The following ROBO2 variants were observed in gnomAD, a reference collection of about 807,000 sequenced individuals.
The protein encoded by ROBO2 is roundabout guidance receptor 2, also known as roundabout homolog 2.
In ROBO2, 53 loss-of-function variants were observed where a neutral mutation model predicts 160.8. The ratio of observed to expected loss-of-function variants is 0.33; its 90% confidence interval spans 0.26 to 0.41. ROBO2 has a LOEUF of 0.41. Among genes scored for constraint, ROBO2 ranks in the 10% least tolerant of loss-of-function variants. ROBO2 has a pLI of 1.00. For synonymous variants in ROBO2, 664 were observed against 611.7 expected, an observed-to-expected ratio of 1.09 and a Z score of -1.26; for missense variants, 1,577 against 1,722.4, an observed-to-expected ratio of 0.92 and a Z score of 1.49.
At chr3:76,695,222 C>T (rs2092902714) in intron 2 of ROBO2, among the ~76,000 whole-genome samples, 1 of 152,170 alleles carries the variant, frequency 6.6e-6, no homozygotes, top group African/African-American at 2.4e-5. Flanking sequence ...AACCCCTGAA[C>T]CTCTGGAATA....
intron 2 of ROBO2, among the ~76,000 whole-genome samples, chr3:77,424,245 A>T (rs2077975109): frequency 6.6e-6 from 1 of 152,194 alleles, no homozygotes; most frequent in Non-Finnish European, 1.5e-5. Flanking sequence ...ATGAATTTTA[A>T]AGGACGGGTA....
Position 76,231,433 on chromosome 3 carries a change from T to G in ROBO2, c.109+293831T>G, listed in dbSNP as rs1559666728. ...CTTCATCTGTAATGCGAGTTACCCT[T>G]GCCTGATAGGTATACCGTTTTTTGT... On this transcript the variant is annotated intron_variant, in intron 2 of 26. Transcript: ENST00000487694. 3.9e-5 allele frequency among the ~76,000 whole-genome samples: 6 copies of G among 152,192 alleles called. No homozygotes were observed. The South Asian group carries it at 1.2e-3, about 31-fold the overall frequency.
At chr3:76,310,575 C>A (rs557486242) in intron 2 of ROBO2, among the ~76,000 whole-genome samples, 1 of 152,178 alleles carries the variant, frequency 6.6e-6, no homozygotes, top group African/African-American at 2.4e-5. Flanking sequence ...TCATTAGTGC[C>A]GATGCAATCC....
intron 2 of ROBO2, among the ~76,000 whole-genome samples, chr3:77,367,302 C>A (rs1367173823): frequency 6.6e-6 from 1 of 152,018 alleles, no homozygotes; most frequent in Non-Finnish European, 1.5e-5. Flanking sequence ...CCTAAGTATC[C>A]TTTTTCTAAG....
At chr3:77,353,054 T>G (rs559938802) in intron 2 of ROBO2, among the ~76,000 whole-genome samples, 66 of 152,296 alleles carry the variant, frequency 4.3e-4, no homozygotes, top group African/African-American at 1.6e-3. Context: ...TTCTTTTAAA[T>G]TCTATGATGA....
rs141170514 is a variant in ROBO2 at position 76,717,263 on chromosome 3, T to C, written c.110-380751T>C. On this transcript the variant is annotated intron_variant, in intron 2 of 26. Transcript: ENST00000487694. ...AATCCCTGCACTTTGGGAGGCTGAG[T>C]TGGGTGGATCACGAGGTCAGGAGTT... 6.6e-5 allele frequency among the ~76,000 whole-genome samples: 10 copies of C among 151,634 alleles called. No individual in the cohort carries two copies. The East Asian group carries it at 2.0e-3, about 30-fold the overall frequency.
chr3:77,245,810 T>C (rs1285906105), intron 2 of ROBO2, among the ~76,000 whole-genome samples: 1 of 152,234 alleles, frequency 6.6e-6, no homozygotes, highest in Non-Finnish European at 1.5e-5. Context: ...TTTAGGAAGT[T>C]TAAGTGAGAC....
intron 1 of ROBO2, among the ~76,000 whole-genome samples, chr3:75,928,861 CGTGTGT>C (rs60525375): frequency 0.19 from 20,219 of 108,940 alleles, 2,237 homozygotes; most frequent in African/African-American, 0.34. Flanking sequence ...CTGGATAAGA[CGTGTGT>C]GTGTGTGTGT....
rs546396533 is a variant in ROBO2 at position 77,207,618 on chromosome 3, GT to G, written c.388+109280del. On this transcript the variant is annotated intron_variant, in intron 2 of 25. Coordinates refer to ENST00000461745, the Ensembl canonical transcript of ROBO2. Reference sequence around the variant, plus strand: ...TAATTCATTTTTAACATATTTGTATGTTGTGGCTGTACAAAATCCAAAAGTA... The same window carrying G: ...TAATTCATTTTTAACATATTTGTATGTGTGGCTGTACAAAATCCAAAAGTA... Among the ~76,000 whole-genome samples, 391 of 152,274 alleles carry G rather than the reference GT, an allele frequency of 2.6e-3. 2 individuals are homozygous for G. Among genetic ancestry groups the G allele is most frequent in the Non-Finnish European group, 4.5e-3 (304 of 68,018 alleles).
intron 2 of ROBO2, among the ~76,000 whole-genome samples, chr3:76,117,061 T>A (rs2070502437): frequency 1.3e-5 from 2 of 152,188 alleles, no homozygotes; most frequent in Admixed American, 1.3e-4. Flanking sequence ...AGTTTGATAA[T>A]AATTGGCTAT....
chr3:77,464,652 G>C (rs144802374), intron 2 of ROBO2, among the ~76,000 whole-genome samples: 20 of 150,160 alleles, frequency 1.3e-4, no homozygotes, highest in Middle Eastern at 3.5e-3. Context: ...AGGTAAAATA[G>C]AAAGTTATCC....
intron 1 of ROBO2, among the ~76,000 whole-genome samples, chr3:77,097,642 G>A (rs9873501): frequency 0.3 from 45,282 of 151,976 alleles, 7,551 homozygotes; most frequent in East Asian, 0.54. Flanking sequence ...TCTTCTAGCT[G>A]CTTGCTGACG....
chr3:76,767,873 C>T (rs1343254886), intron 2 of ROBO2, among the ~76,000 whole-genome samples: 1 of 151,384 alleles, frequency 6.6e-6, no homozygotes, highest in Non-Finnish European at 1.5e-5. Context: ...AATTCTAAAT[C>T]ACTATTTTGT....
chr3:76,481,503 C>A (rs1285549023), intron 2 of ROBO2, among the ~76,000 whole-genome samples: 1 of 152,152 alleles, frequency 6.6e-6, no homozygotes, highest in Non-Finnish European at 1.5e-5. Flanking sequence ...ATATAATTTA[C>A]TGCATGGTCA....
chr3:76,752,995 G>A (rs1291337320), intron 2 of ROBO2, among the ~76,000 whole-genome samples: 1 of 151,838 alleles, frequency 6.6e-6, no homozygotes, highest in African/African-American at 2.4e-5. Context: ...ATATGTTAAT[G>A]TTTATCATTT....
chr3:77,426,159 A>T (rs2078184274), intron 2 of ROBO2, among the ~76,000 whole-genome samples: 1 of 152,166 alleles, frequency 6.6e-6, no homozygotes, highest in Non-Finnish European at 1.5e-5. Flanking sequence ...GGATTTGGCT[A>T]GGGTGATGGC....
intron 13 of ROBO2, among the ~76,000 whole-genome samples, chr3:77,571,904 G>GA (rs78462911): frequency 0.11 from 15,713 of 143,882 alleles, 1,046 homozygotes; most frequent in Middle Eastern, 0.18. Flanking sequence ...ATTTCGTCCT[G>GA]AAAAAAAAAA....
At chr3:75,988,413 A>G (rs969343583) in intron 2 of ROBO2, among the ~76,000 whole-genome samples, 5 of 151,998 alleles carry the variant, frequency 3.3e-5, no homozygotes, top group African/African-American at 1.2e-4. Flanking sequence ...TTGAGCCTTC[A>G]TTCTTTTTAA....
intron 2 of ROBO2, among the ~76,000 whole-genome samples, chr3:76,384,461 C>T (rs1219922343): frequency 2.6e-5 from 4 of 152,072 alleles, no homozygotes; most frequent in African/African-American, 9.7e-5. Flanking sequence ...AGGGTAAGAC[C>T]TGTGATTGAG....
Sources: gnomAD v4.1 joint callset for allele counts (sites outside exome capture counted in the v4.1 genomes callset) on GRCh38, gnomAD v4.1.1 for gene constraint, MANE v1.5 for transcripts, NCBI Gene and HGNC (gene_info 2026-07-23, HGNC 2026-07-21) for gene names.